Variants in PSMA1 observed in about 807,000 individuals in gnomAD.
PSMA1 encodes proteasome 20S subunit alpha 1, also known as proteasome subunit alpha type-1.
Under a neutral mutation model 38.4 loss-of-function variants are expected in PSMA1, and 3 were observed. That is an observed-to-expected ratio of 0.08 (90% CI 0.04 to 0.20). PSMA1 has a LOEUF of 0.20. Ranked by LOEUF, PSMA1 falls within the 10% of genes least tolerant of loss-of-function variation. PSMA1 has a pLI of 1.00. For synonymous variants in PSMA1, 101 were observed against 107.1 expected (o/e 0.94, Z 0.35); for missense variants, 227 against 325.3 (o/e 0.70, Z 2.32).
intron 2 of PSMA1, among the ~76,000 whole-genome samples, chr11:14,551,408 C>G (rs1279452968): frequency 6.6e-6 from 1 of 152,076 alleles, no homozygotes; most frequent in Non-Finnish European, 1.5e-5. Flanking sequence ...GATATTTGGT[C>G]AGCAGAATTG....
intron 4 of PSMA1, among the ~76,000 whole-genome samples, chr11:14,516,382 T>G (rs907248804): frequency 2.0e-4 from 30 of 152,150 alleles, no homozygotes; most frequent in African/African-American, 7.2e-4. Flanking sequence ...GTTTTAAAAT[T>G]TTTTGTAGAG....
At position 14,558,167 on chromosome 11, in the gene PSMA1, C is replaced by T. The variant is rs1316155699; in HGVS notation, c.22-39126G>A. ...GTGGCTCACGGCTGTAATCCCAGCA[C>T]TCAGGGAGGCCACGGTGGGGGGACT... On this transcript the variant is annotated intron_variant, in intron 2 of 10. Transcript: ENST00000418988. 2.0e-5 allele frequency among the ~76,000 whole-genome samples: 3 copies of T among 148,532 alleles called. No homozygotes were observed. In the Admixed American group the frequency reaches 2.1e-4, roughly 10 times the overall value.
chr11:14,629,190 T>C (rs1852964793), intron 1 of PSMA1, among the ~76,000 whole-genome samples: 1 of 152,216 alleles, frequency 6.6e-6, no homozygotes. Flanking sequence ...CATTTGTCAA[T>C]TTTGGCTTCT....
At chr11:14,546,679 G>A (rs895501235) in intron 2 of PSMA1, among the ~76,000 whole-genome samples, 6 of 152,072 alleles carry the variant, frequency 3.9e-5, no homozygotes, top group African/African-American at 1.4e-4. Flanking sequence ...CTCACAATCT[G>A]CCCACCTTGA....
At chr11:14,611,564 T>C (rs1184408307) in intron 1 of PSMA1, among the ~76,000 whole-genome samples, 1 of 152,206 alleles carries the variant, frequency 6.6e-6, no homozygotes. Flanking sequence ...TAAAACTCTA[T>C]GCCTTAAACT....
chr11:14,573,428 T>C (rs1019598528), intron 2 of PSMA1, among the ~76,000 whole-genome samples: 2 of 152,172 alleles, frequency 1.3e-5, no homozygotes, highest in Admixed American at 1.3e-4. Flanking sequence ...ATTATCTCAA[T>C]AGATGCAGAA....
rs1412507932 is a variant in PSMA1, at chr11:14,586,951, AG to A, written c.21+24014del. Reference sequence around the variant, plus strand: ...AATTTTTTGTATTTTTAGTAGAGACAGGGTTCCACTATGTTGGCCAGGATGG... The same window carrying A: ...AATTTTTTGTATTTTTAGTAGAGACAGGTTCCACTATGTTGGCCAGGATGG... On this transcript the variant is annotated intron_variant, in intron 2 of 10. Coordinates refer to the PSMA1 transcript ENST00000418988. Among the ~76,000 whole-genome samples, 5 of 152,136 alleles carry A rather than the reference AG, an allele frequency of 3.3e-5. No homozygotes were observed. The South Asian group carries it at 8.3e-4, about 25-fold the overall frequency.
At chr11:14,532,148 A>G (rs1035611356) in intron 2 of PSMA1, among the ~76,000 whole-genome samples, 1 of 151,690 alleles carries the variant, frequency 6.6e-6, no homozygotes, top group East Asian at 1.9e-4. Flanking sequence ...TTTTTTTGAC[A>G]TTAAGTTTGT....
chr11:14,582,125 G>A (rs984680633), intron 2 of PSMA1, among the ~76,000 whole-genome samples: 1 of 151,946 alleles, frequency 6.6e-6, no homozygotes, highest in African/African-American at 2.4e-5. Context: ...AGATTTTATG[G>A]AACTGAAAGC....
At chr11:14,550,175 C>G (rs1156820056) in intron 2 of PSMA1, among the ~76,000 whole-genome samples, 2 of 152,066 alleles carry the variant, frequency 1.3e-5, no homozygotes, top group Admixed American at 1.3e-4. Context: ...TTCAAGTTTA[C>G]GTGAAAAAGC....
At chr11:14,525,694 C>T (rs183784546) in intron 2 of PSMA1, among the ~76,000 whole-genome samples, 72 of 152,260 alleles carry the variant, frequency 4.7e-4, no homozygotes, top group African/African-American at 1.6e-3. Flanking sequence ...ACTCACTATT[C>T]GGTTCTTGAT....
Position 14,520,349 on chromosome 11 carries a change from G to C in PSMA1, c.-50C>G, listed in dbSNP as rs761158857. 3.9e-5 allele frequency: 63 copies of C among 1,614,258 alleles called. No individual in the cohort carries two copies. Among genetic ancestry groups the C allele is most frequent in the South Asian group, 3.5e-4 (32 of 91,088 alleles). ...GCCTCCAGCAAAACTGAGAATCAAGGAGGTGCTGCCGAAAGTATCGCTCAG... is the reference window on the plus strand; with the variant it reads ...GCCTCCAGCAAAACTGAGAATCAAGCAGGTGCTGCCGAAAGTATCGCTCAG... On this transcript the variant is annotated 5_prime_UTR_variant, in exon 1 of 10. Transcript: ENST00000396394.
At chr11:14,627,950 C>T (rs1330012139) in intron 1 of PSMA1, among the ~76,000 whole-genome samples, 1 of 152,080 alleles carries the variant, frequency 6.6e-6, no homozygotes, top group East Asian at 1.9e-4. Flanking sequence ...TCCTCAACCC[C>T]CACACTGGTA....
At chr11:14,596,869 T>C (rs1054768682) in intron 2 of PSMA1, among the ~76,000 whole-genome samples, 4 of 152,236 alleles carry the variant, frequency 2.6e-5, no homozygotes, top group Non-Finnish European at 4.4e-5. Flanking sequence ...CAGTATGATA[T>C]TGGTTATGGG....
intron 2 of PSMA1, among the ~76,000 whole-genome samples, chr11:14,518,404 C>T (rs1851471506): frequency 6.6e-6 from 1 of 152,072 alleles, no homozygotes; most frequent in Admixed American, 6.6e-5. Context: ...CGGCTGAAAG[C>T]TTCTTTTAAA....
intron 2 of PSMA1, among the ~76,000 whole-genome samples, chr11:14,573,319 C>T (rs952365122): frequency 6.6e-6 from 1 of 152,208 alleles, no homozygotes; most frequent in Admixed American, 6.5e-5. Flanking sequence ...CCACCATGAT[C>T]AAGGGGGCTT....
At chr11:14,605,056 T>C (rs1009560547) in intron 2 of PSMA1, among the ~76,000 whole-genome samples, 1 of 152,228 alleles carries the variant, frequency 6.6e-6, no homozygotes, top group Non-Finnish European at 1.5e-5. Flanking sequence ...TTATTTTCTT[T>C]TGGATATATA....
Position 14,534,671 on chromosome 11 carries a change from A to T in PSMA1, c.22-15630T>A, listed in dbSNP as rs990559239. On this transcript the variant is annotated intron_variant, in intron 2 of 10. Coordinates refer to the PSMA1 transcript ENST00000418988. This position sits in a 1 kb window ranked among gnomAD's most constrained non-coding sequence, Gnocchi z 4.5. ...TAATTACTGTGTTTTTTCCCTTTCA[A>T]TACTATCCATCTGGAGAAGGGAGAA... 6.6e-6 allele frequency among the ~76,000 whole-genome samples: 1 copy of T among 151,930 alleles called. No individual in the cohort carries two copies. The highest frequency in any genetic ancestry group is 1.5e-5 in the Non-Finnish European group (1 of 68,004).
chr11:14,506,168 C>T (rs1410033832), intron 9 of PSMA1, among the ~76,000 whole-genome samples: 1 of 152,082 alleles, frequency 6.6e-6, no homozygotes, highest in Non-Finnish European at 1.5e-5. Flanking sequence ...CCACTAAACC[C>T]CACACTGTTC....
Sources: allele counts gnomAD v4.1 joint callset (sites outside exome capture counted in the v4.1 genomes callset), GRCh38; gene constraint gnomAD v4.1.1; non-coding constraint Gnocchi (gnomAD v3.1); transcripts MANE v1.5; gene names NCBI Gene and HGNC (gene_info 2026-07-23, HGNC 2026-07-21).